WDR59: variants seen among roughly 807,000 people sequenced by gnomAD.
The protein encoded by WDR59 is WD repeat domain 59.
Under a neutral mutation model 131.2 loss-of-function variants are expected in WDR59, and 100 were observed. The observed-to-expected ratio is 0.76, with a 90% CI of 0.65 to 0.90. The LOEUF (loss-of-function observed/expected upper bound fraction) is 0.90, where lower values mean the gene tolerates loss of function less well. WDR59 is among the 40% of genes least tolerant of loss of function. The probability of loss-of-function intolerance (pLI) is 0.00; values close to 1 mark genes in which losing one functional copy is unlikely to be tolerated. For missense variants in WDR59, 1,203 were observed against 1,262.2 expected, an observed-to-expected ratio of 0.95 and a Z score of 0.71; for synonymous variants, 601 against 466.2, an observed-to-expected ratio of 1.29 and a Z score of -3.72.
chr16:74,879,835 TG>T (rs1214665953), intron 25 of WDR59, among the ~76,000 whole-genome samples: 2 of 152,132 alleles, frequency 1.3e-5, no homozygotes, highest in African/African-American at 4.8e-5. Flanking sequence ...CTCAGAACAA[TG>T]GGTAAGTACC....
At chr16:74,969,353 A>C (rs2033892953) in intron 1 of WDR59, among the ~76,000 whole-genome samples, 1 of 150,176 alleles carries the variant, frequency 6.7e-6, no homozygotes, top group Admixed American at 6.6e-5. Context: ...GCTCACTGCA[A>C]CCTCCACCTC....
chr16:74,873,401 A>C lies in WDR59; in HGVS notation c.*808T>G, dbSNP rs938865862. 1 of 152,182 alleles carries C rather than the reference A, an allele frequency of 6.6e-6. No individual in the cohort carries two copies. The highest frequency in any genetic ancestry group is 2.4e-5 in the African/African-American group (1 of 41,448). 9.4% of individuals were successfully genotyped at this position (152,182 alleles called of 1,614,324 possible). ...ATCTTGTCCTCCTTTTGCTAGAAGA[A>C]ATAAGACTCTTGGGGCTAGGAAGAA... On this transcript the variant is annotated 3_prime_UTR_variant, in exon 26 of 26. Transcript: ENST00000262144.
intron 18 of WDR59, among the ~76,000 whole-genome samples, chr16:74,903,124 G>A (rs1286671184): frequency 6.6e-6 from 1 of 151,988 alleles, no homozygotes; most frequent in Non-Finnish European, 1.5e-5. Context: ...CCTAGAAATG[G>A]GTGTTTTGTC....
At chr16:74,946,694 G>C (rs1036363292) in intron 6 of WDR59, among the ~76,000 whole-genome samples, 1 of 152,042 alleles carries the variant, frequency 6.6e-6, no homozygotes, top group Non-Finnish European at 1.5e-5. Flanking sequence ...CTGCACTCCA[G>C]CCTGGGTGAC....
At chr16:74,927,252 CTAA>C (rs2030907311) in intron 8 of WDR59, among the ~76,000 whole-genome samples, 1 of 152,076 alleles carries the variant, frequency 6.6e-6, no homozygotes, top group Non-Finnish European at 1.5e-5. Flanking sequence ...ACTATGAAGA[CTAA>C]TAATCAAGTA....
Position 74,949,973 on chromosome 16 carries a change from G to GA in WDR59, c.327-176_327-175insT, listed in dbSNP as rs1257135389. The GA allele has an allele frequency of 8.2e-5, 56 of 687,094 alleles. No individual in the cohort carries two copies. In the East Asian group the frequency reaches 1.5e-3, roughly 18 times the overall value. 42.6% of individuals were successfully genotyped at this position (687,094 alleles called of 1,614,324 possible). A position where few individuals can be genotyped will look rare whatever the true frequency, so the allele number is the denominator to read the frequency against. On this transcript the variant is annotated intron_variant, in intron 4 of 25. Transcript: ENST00000262144. ...CTTGGGAACGAACATGAGTTTGGAA[G>GA]GAAACTGTCAGGTCCTTCGCCAGCT...
intron 17 of WDR59, 100 bp from the exon 18 acceptor site, chr16:74,904,200 T>C (rs1200338916): frequency 4.9e-6 from 7 of 1,416,588 alleles, no homozygotes; most frequent in African/African-American, 1.4e-5. Context: ...GAAGACAAAA[T>C]GAGAAGATGG....
chr16:74,945,782 TGAGA>T (rs373629002), intron 6 of WDR59, among the ~76,000 whole-genome samples: 2 of 150,846 alleles, frequency 1.3e-5, no homozygotes, highest in African/African-American at 4.9e-5. Context: ...GGAGACGTTC[TGAGA>T]GAGAGAGAGA....
At chr16:74,921,747 G>A (rs778112555) in intron 10 of WDR59, among the ~76,000 whole-genome samples, 200 bp downstream of exon 10, 5 of 146,322 alleles carry the variant, frequency 3.4e-5, no homozygotes, top group Non-Finnish European at 7.6e-5. Context: ...TGTGGAAGAG[G>A]ACAGAATTTG....
At chr16:74,940,028 T>G (rs2032092548) in intron 7 of WDR59, among the ~76,000 whole-genome samples, 1 of 152,014 alleles carries the variant, frequency 6.6e-6, no homozygotes, top group Non-Finnish European at 1.5e-5. Context: ...CCTGCCTGGG[T>G]TCAAATTTTG....
chr16:74,952,131 C>T (rs139151601), intron 3 of WDR59, among the ~76,000 whole-genome samples: 105 of 151,986 alleles, frequency 6.9e-4, no homozygotes, highest in African/African-American at 2.0e-3. Context: ...AACTGGGTCC[C>T]GTGTCACTTT....
chr16:74,946,094 G>A (rs536897741), intron 6 of WDR59, among the ~76,000 whole-genome samples: 54 of 152,202 alleles, frequency 3.5e-4, no homozygotes, highest in Admixed American at 1.1e-3. Context: ...GATTACAGGC[G>A]TGAGCCACCA....
intron 7 of WDR59, 99 bp downstream of exon 7, chr16:74,942,639 C>T: frequency 8.8e-7 from 1 of 1,142,224 alleles, no homozygotes; most frequent in Non-Finnish European, 1.3e-6. Context: ...GCACAGGGTT[C>T]CCCAGACTCT....
rs545830178 is a variant in WDR59 at position 74,953,406 on chromosome 16, G to C, written c.241-1863C>G. On this transcript the variant is annotated intron_variant, in intron 3 of 25. Transcript: ENST00000262144. ...GAGAATTCCTTGAACCTGGGAAGCA[G>C]AGGCTGCAATGAACTGAGATGGCGC... Among the ~76,000 whole-genome samples, 5 of 150,506 alleles carry C rather than the reference G, an allele frequency of 3.3e-5. No homozygotes were observed. The East Asian group carries it at 9.9e-4, about 30-fold the overall frequency.
intron 2 of WDR59, among the ~76,000 whole-genome samples, chr16:74,959,192 CCT>C (rs1251161983): frequency 6.6e-6 from 1 of 152,170 alleles, no homozygotes; most frequent in Admixed American, 6.5e-5. Flanking sequence ...CTAAGTCATT[CCT>C]CTCTCTATGC....
intron 7 of WDR59, among the ~76,000 whole-genome samples, chr16:74,940,940 G>A (rs1376603471): frequency 3.3e-5 from 5 of 151,952 alleles, no homozygotes; most frequent in African/African-American, 2.4e-5. Context: ...TCCTGACCTC[G>A]TGATCCACCC....
At chr16:74,880,832 T>C (rs949042061) in intron 25 of WDR59, among the ~76,000 whole-genome samples, 1 of 152,214 alleles carries the variant, frequency 6.6e-6, no homozygotes, top group African/African-American at 2.4e-5. Context: ...ACTCCAAAGG[T>C]GCAGGGTCAT....
intron 2 of WDR59, among the ~76,000 whole-genome samples, chr16:74,962,289 T>A (rs1182683735): frequency 2.6e-5 from 4 of 152,160 alleles, no homozygotes; most frequent in Non-Finnish European, 5.9e-5. Flanking sequence ...TTGGGTTCCG[T>A]ATGAATTTCA....
intron 25 of WDR59, among the ~76,000 whole-genome samples, chr16:74,881,364 T>C (rs1964473565): frequency 7.1e-6 from 1 of 140,028 alleles, no homozygotes; most frequent in African/African-American, 2.8e-5. Flanking sequence ...TTTTCTTTAA[T>C]TTTTTTTTTT....
Sources: gnomAD v4.1 joint callset for allele counts (sites outside exome capture counted in the v4.1 genomes callset) on GRCh38, gnomAD v4.1.1 for gene constraint, MANE v1.5 for transcripts, NCBI Gene and HGNC (gene_info 2026-07-23, HGNC 2026-07-21) for gene names.